Variants in GRIN2D observed in about 807,000 individuals in gnomAD.
GRIN2D encodes glutamate ionotropic receptor NMDA type subunit 2D, also known as glutamate receptor ionotropic, NMDA 2D.
GRIN2D carries 37 observed loss-of-function variants against 103.2 expected under a neutral mutation model. That is an observed-to-expected ratio of 0.36 (90% confidence interval 0.28 to 0.47). The LOEUF (loss-of-function observed/expected upper bound fraction) is 0.47. GRIN2D is among the 20% of genes least tolerant of loss of function. The pLI, the probability that GRIN2D is intolerant of heterozygous loss-of-function variation, is 1.00. For missense variants in GRIN2D, 1,557 were observed against 1,910.6 expected (o/e 0.81, Z 3.45); for synonymous variants, 845 against 885.6 (o/e 0.95, Z 0.81).
In GRIN2D at chr19:48,405,614, G is replaced by A. The variant is rs78973392; in HGVS notation, c.1085+261G>A. On this transcript the variant is annotated intron_variant, in intron 4 of 13. Coordinates refer to ENST00000263269, the MANE Select transcript of GRIN2D (RefSeq NM_000836.4). The surrounding 1 kb of genome is among the most constrained non-coding windows in gnomAD (Gnocchi z 5.1). ...TTCACATTTTAATGTCTTTGAAAACGAGATGTGTCTTATAATTGATGACTT... is the reference window on the plus strand; with the variant it reads ...TTCACATTTTAATGTCTTTGAAAACAAGATGTGTCTTATAATTGATGACTT... Among the ~76,000 whole-genome samples, 2,899 of 152,278 alleles carry A rather than the reference G, an allele frequency of 0.019. 94 individuals carry two copies. The highest frequency in any genetic ancestry group is 0.066 in the African/African-American group (2,737 of 41,558).
rs775793256 is a variant in GRIN2D, at chr19:48,443,315, A to C, written c.3389A>C (p.Glu1130Ala). Residue 1130 changes from glutamate to alanine, a missense_variant, in exon 14 of 14, where the codon GAG becomes GCG. By Grantham distance (107) the Glu-to-Ala change is moderately radical (BLOSUM62 -1). Around this residue, in one of 7 missense-constraint regions of GRIN2D, gnomAD observed 632 missense variants for 572.8 expected, o/e 1.10. Transcript: ENST00000263269. The surrounding 1 kb of genome is among the most constrained non-coding windows in gnomAD (Gnocchi z 8.9). ...GGCGGCGCGTCGCTGGGCGGCCTGG[A>C]GCCCTGGTGGTTCGCCGACTTCCCT... The part of the protein sequence containing the change: ...SLGGASLGGL[E>A]PWWFADFPYP... 6.6e-7 allele frequency: 1 copy of C among 1,513,110 alleles called. No homozygotes were observed. The highest frequency in any genetic ancestry group is 8.8e-7 in the Non-Finnish European group (1 of 1,136,862). 93.7% of individuals were successfully genotyped at this position (1,513,110 alleles called of 1,614,324 possible). A position where few individuals can be genotyped will look rare whatever the true frequency, so the allele number is the denominator to read the frequency against.
rs1408644697 is a variant in GRIN2D, at chr19:48,398,718, G to A, written c.326G>A (p.Gly109Glu). ...CTGCAGCTCTGCGACCTGCTGTCGG[G>A]GTTGCGCGTGCACGGCGTGGTCTTC... ...LVLQLCDLLSGLRVHGVVFED... is the reference protein window; with the variant it reads ...LVLQLCDLLSELRVHGVVFED... Residue 109 changes from glycine to glutamate, a missense_variant, in exon 3 of 14, where the codon GGG becomes GAG. Transcript: ENST00000263269. 1 of 1,468,578 alleles carries A rather than the reference G, an allele frequency of 6.8e-7. No homozygotes were observed. The highest frequency in any genetic ancestry group is 1.3e-5 in the South Asian group (1 of 77,650). 91.0% of individuals were successfully genotyped at this position (1,468,578 alleles called of 1,614,324 possible).
At chr19:48,418,019 G>C (rs1392224729) in intron 8 of GRIN2D, among the ~76,000 whole-genome samples, 1 of 151,504 alleles carries the variant, frequency 6.6e-6, no homozygotes, top group African/African-American at 2.4e-5. Context: ...CGCTGATTCA[G>C]GCACCTGCGA....
At chr19:48,395,811 G>A (rs760297245) in intron 2 of GRIN2D, among the ~76,000 whole-genome samples, 1 of 152,114 alleles carries the variant, frequency 6.6e-6, no homozygotes, top group Non-Finnish European at 1.5e-5. Flanking sequence ...GACAGGAGCC[G>A]GAACCCGGAC....
At chr19:48,434,144 G>A (rs541189061) in intron 11 of GRIN2D, among the ~76,000 whole-genome samples, 1 of 151,844 alleles carries the variant, frequency 6.6e-6, no homozygotes, top group Non-Finnish European at 1.5e-5. Flanking sequence ...TAGAGACGGG[G>A]TTTCACCGTG....
intron 11 of GRIN2D, among the ~76,000 whole-genome samples, chr19:48,435,688 G>A (rs1027496278): frequency 6.6e-6 from 1 of 152,004 alleles, no homozygotes; most frequent in Non-Finnish European, 1.5e-5. Context: ...CAGGAGATCC[G>A]TGCCCCGGGC....
Position 48,414,407 on chromosome 19 carries a change from A to G in GRIN2D, c.1235A>G (p.Lys412Arg). Residue 412 changes from lysine to arginine, a missense_variant, in exon 6 of 14, where the codon AAG becomes AGG. Around this residue, in one of 7 missense-constraint regions of GRIN2D, gnomAD observed 490 missense variants for 601.1 expected, o/e 0.82. Coordinates refer to ENST00000263269, the MANE Select transcript of GRIN2D (RefSeq NM_000836.4). This position sits in a 1 kb window ranked among gnomAD's most constrained non-coding sequence, Gnocchi z 4.6. The stretch of plus-strand genomic sequence containing the variant: ...TGGGAGCAGCAGACGCTCCGCCTCA[A>G]GTACCCGCTGTGGTCCCGCTATGGT... ...GSWEQQTLRLKYPLWSRYGRF... is the reference protein window; with the variant it reads ...GSWEQQTLRLRYPLWSRYGRF... 3.1e-6 allele frequency: 5 copies of G among 1,610,024 alleles called. No individual in the cohort carries two copies. Among genetic ancestry groups the G allele is most frequent in the Non-Finnish European group, 4.2e-6 (5 of 1,178,586 alleles).
chr19:48,399,901 G>A (rs1194098015), intron 3 of GRIN2D, among the ~76,000 whole-genome samples: 1 of 151,990 alleles, frequency 6.6e-6, no homozygotes, highest in Admixed American at 6.6e-5. Context: ...AGCGAGGGGC[G>A]GGGCCTAAGC....
chr19:48,440,221 A>T (rs113074443), intron 11 of GRIN2D, among the ~76,000 whole-genome samples: 16,106 of 152,052 alleles, frequency 0.11, 1,255 homozygotes, highest in African/African-American at 0.21. Context: ...CAAGAAAAAA[A>T]AAATAAATAA....
chr19:48,438,266 T>TTCAAC (rs1490970222), intron 11 of GRIN2D, among the ~76,000 whole-genome samples: 1 of 148,500 alleles, frequency 6.7e-6, no homozygotes, highest in Admixed American at 6.7e-5. Flanking sequence ...TTGGCTTCTC[T>TTCAAC]TCAACTCAGC....
intron 9 of GRIN2D, 56 bp from the exon 10 acceptor site, chr19:48,419,529 C>G: frequency 7.4e-7 from 1 of 1,349,998 alleles, no homozygotes; most frequent in Non-Finnish European, 1.0e-6. Flanking sequence ...TTTTTTTTTT[C>G]CCTTCCTTAT....
chr19:48,438,121 C>G (rs1254449720), intron 11 of GRIN2D, among the ~76,000 whole-genome samples: 1 of 152,018 alleles, frequency 6.6e-6, no homozygotes, highest in East Asian at 1.9e-4. Context: ...ACCACACACA[C>G]ACGGCATTTA....
At position 48,414,932 on chromosome 19, in the gene GRIN2D, G is replaced by T; in HGVS notation, c.1481G>T (p.Arg494Leu). 2 of 1,614,076 alleles carry T rather than the reference G, an allele frequency of 1.2e-6. No individual in the cohort carries two copies. The highest frequency in any genetic ancestry group is 1.7e-6 in the Non-Finnish European group (2 of 1,179,988). Residue 494 changes from arginine (R) to leucine (L), a missense_variant, in exon 7 of 14, where the codon CGG (arginine) becomes CTG (leucine). Physicochemically the swap from Arg to Leu is moderately radical, Grantham distance 102. This residue lies in a region of GRIN2D where 197 missense variants were observed against 334.1 expected (regional missense o/e 0.59). Transcript: ENST00000263269. This position sits in a 1 kb window ranked among gnomAD's most constrained non-coding sequence, Gnocchi z 4.6. ...GGTTTCTGCATCGACATTCTGAAGC[G>T]GCTGGCGCATACCATCGGCTTCAGC... The part of the protein sequence containing the change: ...CKGFCIDILK[R>L]LAHTIGFSYD...
Position 48,442,968 on chromosome 19 carries a change from G to A in GRIN2D, c.3042G>A (p.Lys1014=), listed in dbSNP as rs1190710886. ...CCTATTTCGCCATCGTACGCGACAA[G>A]GAGCCAGCCGAGCCCCCCGCCGGCG... ...PPSYFAIVRD[K]EPAEPPAGAF... The change falls in exon 14 of 14, where the codon AAG becomes AAA. Residue 1014 remains lysine, a synonymous_variant. Coordinates refer to ENST00000263269, the MANE Select transcript of GRIN2D (RefSeq NM_000836.4). The surrounding 1 kb of genome is among the most constrained non-coding windows in gnomAD (Gnocchi z 7.2). 19 of 1,134,164 alleles carry A rather than the reference G, an allele frequency of 1.7e-5. No individual in the cohort carries two copies. The African/African-American group carries it at 2.0e-4, about 12-fold the overall frequency. 70.3% of individuals were successfully genotyped at this position (1,134,164 alleles called of 1,614,324 possible). A position where few individuals can be genotyped will look rare whatever the true frequency, so the allele number is the denominator to read the frequency against.
chr19:48,399,241 G>A (rs1484448074), intron 3 of GRIN2D, among the ~76,000 whole-genome samples: 2 of 152,268 alleles, frequency 1.3e-5, no homozygotes, highest in South Asian at 2.1e-4. Flanking sequence ...GGAGGGGTGG[G>A]ACCTAGGATC....
In GRIN2D at chr19:48,443,117, C is replaced by T; in HGVS notation, c.3191C>T (p.Ser1064Leu). Reference protein sequence around the residue: ...SPPAPARWPRSDPESQPLLGP... With the variant: ...SPPAPARWPRLDPESQPLLGP... ...CCGGCGCCCGCGCGGTGGCCGCGCT[C>T]GGACCCCGAGAGCCAACCCCTGCTG... Residue 1064 changes from serine to leucine, a missense_variant, in exon 14 of 14, where the codon TCG becomes TTG. Ser to Leu is a moderately radical substitution (Grantham distance 145, BLOSUM62 -2). This residue lies in a region of GRIN2D where 632 missense variants were observed against 572.8 expected (regional missense o/e 1.10). Transcript: ENST00000263269. This position sits in a 1 kb window ranked among gnomAD's most constrained non-coding sequence, Gnocchi z 8.9. The T allele has an allele frequency of 9.8e-7, 1 of 1,016,426 alleles. No individual in the cohort carries two copies. Among genetic ancestry groups the T allele is most frequent in the South Asian group, 3.8e-5 (1 of 26,592 alleles). The allele number at this position is 1,016,426 out of a possible 1,614,324, so 63.0% of individuals were successfully genotyped here.
intron 4 of GRIN2D, among the ~76,000 whole-genome samples, chr19:48,407,147 T>G (rs1970803017): frequency 6.6e-6 from 1 of 151,842 alleles, no homozygotes; most frequent in Admixed American, 6.6e-5. Context: ...CCGGCTAATT[T>G]TTTTTGTATT....
Position 48,399,128 on chromosome 19 carries a change from T to C in GRIN2D, c.465+271T>C, listed in dbSNP as rs372303037. On this transcript the variant is annotated intron_variant, in intron 3 of 13. Coordinates refer to ENST00000263269, the MANE Select transcript of GRIN2D (RefSeq NM_000836.4). ...CGATGATCAGAGTATAGGGAGGACG[T>C]GGGCCCATTCATTGCAGGTAAGGGT... Among the ~76,000 whole-genome samples the C allele has an allele frequency of 2.6e-4, 39 of 151,802 alleles. 1 individual carries two copies. The South Asian group carries it at 7.7e-3, about 30-fold the overall frequency.
intron 11 of GRIN2D, among the ~76,000 whole-genome samples, chr19:48,431,021 A>G (rs1163288698): frequency 6.6e-6 from 1 of 151,936 alleles, no homozygotes; most frequent in Non-Finnish European, 1.5e-5. Flanking sequence ...GTTTCGCCAT[A>G]TTGAAGAGCT....
Sources: gnomAD v4.1 joint callset for allele counts (sites outside exome capture counted in the v4.1 genomes callset) on GRCh38, gnomAD v4.1.1 for gene constraint, gnomAD v4.1.1 regional missense constraint, Gnocchi (gnomAD v3.1) non-coding constraint, MANE v1.5 for transcripts, NCBI Gene and HGNC (gene_info 2026-07-23, HGNC 2026-07-21) for gene names.